Variants in LRBA observed in about 807,000 individuals in gnomAD.
LRBA encodes LPS responsive beige-like anchor protein.
In LRBA, 176 loss-of-function variants were observed where a neutral mutation model predicts 330.0. That is an observed-to-expected ratio of 0.53 (90% confidence interval 0.47 to 0.60). The LOEUF (loss-of-function observed/expected upper bound fraction) is 0.60, where lower values mean the gene tolerates loss of function less well. Among genes scored for constraint, LRBA ranks in the 20% least tolerant of loss-of-function variants. The probability of loss-of-function intolerance (pLI) is 0.00; values close to 1 mark genes in which losing one functional copy is unlikely to be tolerated. For missense variants in LRBA, 3,259 were observed against 3,444.8 expected (o/e 0.95, Z 1.35); for synonymous variants, 1,230 against 1,193.0 (o/e 1.03, Z -0.64).
intron 37 of LRBA, among the ~76,000 whole-genome samples, chr4:150,601,732 C>G (rs1027385811): frequency 4.6e-5 from 7 of 151,506 alleles, no homozygotes; most frequent in African/African-American, 1.7e-4. Context: ...CGCTCTGTCA[C>G]CCAGGCTGGA....
At chr4:150,285,037 G>C (rs1205345425) in intron 54 of LRBA, among the ~76,000 whole-genome samples, 2 of 152,164 alleles carry the variant, frequency 1.3e-5, no homozygotes, top group African/African-American at 4.8e-5. Flanking sequence ...AAATCCAGTG[G>C]TTATAGAATT....
At chr4:150,577,245 A>G (rs924448337) in intron 40 of LRBA, among the ~76,000 whole-genome samples, 52 of 152,122 alleles carry the variant, frequency 3.4e-4, no homozygotes, top group Middle Eastern at 6.8e-3. Flanking sequence ...ACATATATTT[A>G]AATATAATTA....
At chr4:150,792,161 A>G (rs1740041651) in intron 34 of LRBA, among the ~76,000 whole-genome samples, 1 of 151,932 alleles carries the variant, frequency 6.6e-6, no homozygotes, top group Non-Finnish European at 1.5e-5. Context: ...TTTCTTTGAA[A>G]TAAATACATA....
chr4:150,676,198 T>C (rs926518154), intron 37 of LRBA, among the ~76,000 whole-genome samples: 1 of 152,200 alleles, frequency 6.6e-6, no homozygotes, highest in Non-Finnish European at 1.5e-5. Context: ...TGCACAGTGC[T>C]CTTTCCATAA....
At chr4:150,850,282 G>A (rs1294143053) in intron 24 of LRBA, among the ~76,000 whole-genome samples, 1 of 151,916 alleles carries the variant, frequency 6.6e-6, no homozygotes, top group African/African-American at 2.4e-5. Context: ...TTTTAGTAGA[G>A]ACAGGGTTTC....
intron 34 of LRBA, among the ~76,000 whole-genome samples, chr4:150,785,184 A>G (rs1287908754): frequency 6.6e-6 from 1 of 151,996 alleles, no homozygotes; most frequent in African/African-American, 2.4e-5. Flanking sequence ...AATCATAGGG[A>G]GTCAAAGTTG....
intron 29 of LRBA, among the ~76,000 whole-genome samples, chr4:150,830,009 T>A (rs984545074): frequency 6.6e-6 from 1 of 152,184 alleles, no homozygotes; most frequent in African/African-American, 2.4e-5. Flanking sequence ...CTAAAACATA[T>A]TCAGAATCTG....
chr4:150,823,769 C>A (rs189490746), intron 30 of LRBA, among the ~76,000 whole-genome samples: 189 of 152,094 alleles, frequency 1.2e-3, no homozygotes, highest in Admixed American at 2.6e-3. Flanking sequence ...CACTTGTAGA[C>A]GTGTGGATTT....
intron 34 of LRBA, among the ~76,000 whole-genome samples, chr4:150,768,032 C>T (rs1736013726): frequency 6.9e-6 from 1 of 145,138 alleles, no homozygotes; most frequent in African/African-American, 2.6e-5. Context: ...CCACTGCACT[C>T]CAGCCTGGGC....
At chr4:150,290,374 T>A (rs1159201590) in intron 53 of LRBA, among the ~76,000 whole-genome samples, 1 of 152,162 alleles carries the variant, frequency 6.6e-6, no homozygotes, top group Non-Finnish European at 1.5e-5. Flanking sequence ...TTGCAATAGT[T>A]AAGGGATACA....
intron 40 of LRBA, among the ~76,000 whole-genome samples, chr4:150,568,741 T>C (rs917932838): frequency 1.2e-4 from 18 of 152,164 alleles, no homozygotes; most frequent in Admixed American, 1.2e-3. Flanking sequence ...TATATTCATA[T>C]CAAAAGCATT....
At chr4:150,494,763 A>G (rs2152109953) in intron 40 of LRBA, among the ~76,000 whole-genome samples, 1 of 152,314 alleles carries the variant, frequency 6.6e-6, no homozygotes, top group African/African-American at 2.4e-5. Flanking sequence ...TGGGAGGCCA[A>G]GGCAGGCGGA....
intron 22 of LRBA, among the ~76,000 whole-genome samples, chr4:150,858,073 G>A (rs193002673): frequency 6.6e-6 from 1 of 152,262 alleles, no homozygotes; most frequent in East Asian, 1.9e-4. Flanking sequence ...TTTGGATAAT[G>A]GATAATTTTT....
chr4:150,277,800 T>A (rs1054736154), intron 56 of LRBA, 53 bp downstream of exon 56: 13 of 1,564,380 alleles, frequency 8.3e-6, no homozygotes, highest in Middle Eastern at 1.7e-4. Context: ...ACACGACCAG[T>A]CCCCTCTGCA....
At chr4:150,570,900 CAG>C (rs1376574446) in intron 40 of LRBA, among the ~76,000 whole-genome samples, 7 of 152,080 alleles carry the variant, frequency 4.6e-5, no homozygotes, top group Non-Finnish European at 8.8e-5. Context: ...TCTAATAATA[CAG>C]AGTGTCAAAT....
At chr4:150,497,318 A>G (rs1759705839) in intron 40 of LRBA, among the ~76,000 whole-genome samples, 1 of 152,182 alleles carries the variant, frequency 6.6e-6, no homozygotes. Context: ...TCAAGGATAT[A>G]TTCTTTAAGT....
rs778545671 is a variant in LRBA at position 150,590,832 on chromosome 4, C to T, written c.6074G>A (p.Gly2025Glu). ...HATDEDILAK[G>E]KQSIRSQALG... Reference sequence around the variant, plus strand: ...AGCCTGACTCCTGATGGACTGTTTTCCTTTAGCAAGGATATCTTCATCTGT... The same window carrying T: ...AGCCTGACTCCTGATGGACTGTTTTTCTTTAGCAAGGATATCTTCATCTGT... The change falls in exon 39 of 57, where the codon GGA becomes GAA. Residue 2025 changes from glycine (G) to glutamate (E), a missense_variant. Physicochemically the swap from Gly to Glu is moderately conservative, Grantham distance 98. Transcript: ENST00000651943. 63 of 1,613,682 alleles carry T rather than the reference C, an allele frequency of 3.9e-5. No homozygotes were observed. The Middle Eastern group carries it at 4.9e-4, about 13-fold the overall frequency.
chr4:150,824,577 T>C (rs976367153), intron 30 of LRBA, among the ~76,000 whole-genome samples: 1 of 152,176 alleles, frequency 6.6e-6, no homozygotes, highest in Non-Finnish European at 1.5e-5. Flanking sequence ...TATTGTGTTA[T>C]GTTCCCTCTA....
chr4:150,656,593 A>C (rs1208114212), intron 37 of LRBA, among the ~76,000 whole-genome samples: 2 of 152,220 alleles, frequency 1.3e-5, no homozygotes, highest in South Asian at 2.1e-4. Context: ...ACTCAGAACA[A>C]CACAGTCTAC....
Sources: allele counts gnomAD v4.1 joint callset (sites outside exome capture counted in the v4.1 genomes callset), GRCh38; gene constraint gnomAD v4.1.1; transcripts MANE v1.5; gene names NCBI Gene and HGNC (gene_info 2026-07-23, HGNC 2026-07-21).